The following VOPP1 variants were observed in gnomAD, a reference collection of about 807,000 sequenced individuals.
The protein encoded by VOPP1 is VOPP1 WW domain binding protein, also known as WW domain binding protein VOPP1.
Under a neutral mutation model 23.5 loss-of-function variants are expected in VOPP1, and 8 were observed. The observed-to-expected ratio is 0.34, with a 90% CI of 0.20 to 0.61. VOPP1 has a LOEUF of 0.61. Among genes scored for constraint, VOPP1 ranks in the 20% least tolerant of loss-of-function variants. The pLI, the probability that VOPP1 is intolerant of heterozygous loss-of-function variation, is 0.78. For synonymous variants in VOPP1, 83 were observed against 97.3 expected (o/e 0.85, Z 0.86); for missense variants, 174 against 238.1 (o/e 0.73, Z 1.77).
At chr7:55,518,800 G>A (rs1006427685) in intron 2 of VOPP1, among the ~76,000 whole-genome samples, 2 of 131,976 alleles carry the variant, frequency 1.5e-5, no homozygotes, top group Non-Finnish European at 3.2e-5. Context: ...AAAGTCTACT[G>A]TTAAAAGGCA....
At chr7:55,554,914 G>C (rs1370241213) in intron 1 of VOPP1, among the ~76,000 whole-genome samples, 1 of 152,166 alleles carries the variant, frequency 6.6e-6, no homozygotes. Context: ...CCCAAGCGCA[G>C]GAGACATCAG....
chr7:55,473,192 C>T, intron 4 of VOPP1, 147 bp from the exon 5 acceptor site: 1 of 1,300,466 alleles, frequency 7.7e-7, no homozygotes, highest in Non-Finnish European at 1.0e-6. Flanking sequence ...TGAGGGGGCA[C>T]CTGGGCTGTG....
intron 4 of VOPP1, among the ~76,000 whole-genome samples, chr7:55,489,884 G>A (rs1326073999): frequency 6.6e-6 from 1 of 152,118 alleles, no homozygotes; most frequent in Non-Finnish European, 1.5e-5. Flanking sequence ...CCTGGCAGGG[G>A]ACCCAGGGAG....
At chr7:55,474,914 G>A (rs570970498) in intron 4 of VOPP1, among the ~76,000 whole-genome samples, 43 of 152,364 alleles carry the variant, frequency 2.8e-4, no homozygotes, top group African/African-American at 7.9e-4. Context: ...CAAGGGGTGG[G>A]AGAATTTTCA....
At chr7:55,515,310 G>T (rs1795331570) in intron 2 of VOPP1, among the ~76,000 whole-genome samples, 1 of 152,166 alleles carries the variant, frequency 6.6e-6, no homozygotes, top group Non-Finnish European at 1.5e-5. Flanking sequence ...GTAACCTCTG[G>T]CAGATATCAA....
chr7:55,520,611 G>A (rs190092129), intron 2 of VOPP1, among the ~76,000 whole-genome samples: 20 of 152,350 alleles, frequency 1.3e-4, no homozygotes, highest in African/African-American at 3.4e-4. Context: ...GCTCTCTGGC[G>A]AGGAGGCCTC....
At chr7:55,488,139 G>A (rs1279900000) in intron 4 of VOPP1, among the ~76,000 whole-genome samples, 1 of 152,178 alleles carries the variant, frequency 6.6e-6, no homozygotes, top group Non-Finnish European at 1.5e-5. Context: ...GGGCATTTAG[G>A]GAGCTCTTTC....
intron 1 of VOPP1, among the ~76,000 whole-genome samples, chr7:55,547,143 G>A (rs138306290): frequency 1.0e-3 from 154 of 152,306 alleles, no homozygotes; most frequent in African/African-American, 3.6e-3. Context: ...AGGAGGGAGT[G>A]GTGGGTTGGG....
At chr7:55,500,128 A>G (rs1269680502) in intron 2 of VOPP1, among the ~76,000 whole-genome samples, 3 of 152,156 alleles carry the variant, frequency 2.0e-5, no homozygotes, top group African/African-American at 7.2e-5. Context: ...GGAGTGTGGA[A>G]GGCAGAATGC....
chr7:55,506,669 G>A (rs1437293286), intron 2 of VOPP1, among the ~76,000 whole-genome samples: 1 of 151,548 alleles, frequency 6.6e-6, no homozygotes, highest in South Asian at 2.1e-4. Context: ...ATGGAGCTTC[G>A]CTCTTGTTGC....
intron 2 of VOPP1, among the ~76,000 whole-genome samples, chr7:55,503,120 A>G (rs781416190): frequency 6.6e-6 from 1 of 152,240 alleles, no homozygotes; most frequent in Non-Finnish European, 1.5e-5. Flanking sequence ...AGGTCAGAGA[A>G]TGGGTAGTCC....
chr7:55,437,152 A>T (rs1790852401), intron 4 of VOPP1, among the ~76,000 whole-genome samples: 1 of 152,156 alleles, frequency 6.6e-6, no homozygotes, highest in Non-Finnish European at 1.5e-5. Context: ...CACTGTGCTC[A>T]GTTGCTGGAA....
downstream of VOPP1, among the ~76,000 whole-genome samples, chr7:55,470,026 C>T (rs1384511267): frequency 6.6e-6 from 1 of 152,036 alleles, no homozygotes; most frequent in Admixed American, 6.6e-5. Context: ...GGCTGGGTGA[C>T]AGAACAAGAC....
intron 2 of VOPP1, among the ~76,000 whole-genome samples, chr7:55,516,638 G>A (rs1256018652): frequency 2.0e-5 from 3 of 152,090 alleles, no homozygotes; most frequent in South Asian, 2.1e-4. Context: ...ATCAAATATA[G>A]GAGTAAAATC....
In VOPP1 at chr7:55,495,049, C is replaced by G. The variant is rs543154429; in HGVS notation, c.191+2564G>C. Among the ~76,000 whole-genome samples the G allele has an allele frequency of 1.8e-4, 28 of 152,126 alleles. No homozygotes were observed. In the South Asian group the frequency reaches 4.6e-3, roughly 25 times the overall value. ...CAATTTGTTTTTTGATTCCTCCCCC[C>G]GACCCCCCAGCCCCGAGTGTAGCAG... On this transcript the variant is annotated intron_variant, in intron 3 of 4. Coordinates refer to ENST00000285279, the MANE Select transcript of VOPP1 (RefSeq NM_030796.5).
intron 4 of VOPP1, among the ~76,000 whole-genome samples, chr7:55,490,504 C>A (rs1317855984): frequency 6.6e-6 from 1 of 152,202 alleles, no homozygotes; most frequent in African/African-American, 2.4e-5. Flanking sequence ...AGCCCCAGTT[C>A]ACATGAGTGG....
At chr7:55,448,904 GA>G (rs747903150) in intron 4 of VOPP1, among the ~76,000 whole-genome samples, 1 of 148,428 alleles carries the variant, frequency 6.7e-6, no homozygotes, top group Non-Finnish European at 1.5e-5. Context: ...AAAATGGGAA[GA>G]GGGGGTTAAA....
intron 3 of VOPP1, 75 bp downstream of exon 3, chr7:55,497,538 G>A: frequency 7.6e-7 from 1 of 1,311,966 alleles, no homozygotes; most frequent in South Asian, 1.2e-5. Context: ...CGCATCCAAG[G>A]CTGTGACAAC....
chr7:55,436,617 A>AGTGTGT (rs764332148), intron 4 of VOPP1, among the ~76,000 whole-genome samples: 1 of 146,434 alleles, frequency 6.8e-6, no homozygotes, highest in African/African-American at 2.5e-5. Context: ...TGTGTGCATG[A>AGTGTGT]GTGTGTGTGT....
Sources: gnomAD v4.1 joint callset for allele counts (sites outside exome capture counted in the v4.1 genomes callset) on GRCh38, gnomAD v4.1.1 for gene constraint, MANE v1.5 for transcripts, NCBI Gene and HGNC (gene_info 2026-07-23, HGNC 2026-07-21) for gene names.